KCNT2: variants seen among roughly 807,000 people sequenced by gnomAD.
KCNT2 encodes the protein potassium channel subfamily T member 2.
KCNT2 carries 67 observed loss-of-function variants against 153.8 expected under a neutral mutation model. The ratio of observed to expected loss-of-function variants is 0.44; its 90% CI spans 0.36 to 0.53. KCNT2 has a LOEUF of 0.53. Ranked by LOEUF, KCNT2 falls within the 20% of genes least tolerant of loss-of-function variation. The pLI, the probability that KCNT2 is intolerant of heterozygous loss-of-function variation, is 0.00. For synonymous variants in KCNT2, 500 were observed against 458.8 expected, an observed-to-expected ratio of 1.09 and a Z score of -1.15; for missense variants, 975 against 1,354.8, an observed-to-expected ratio of 0.72 and a Z score of 4.40.
intron 1 of KCNT2, among the ~76,000 whole-genome samples, chr1:196,602,556 GTTAAA>G (rs1488254891): frequency 6.6e-6 from 1 of 152,080 alleles, no homozygotes; most frequent in Non-Finnish European, 1.5e-5. Context: ...TATGATAGCT[GTTAAA>G]TTAAATCAAA....
intron 2 of KCNT2, 93 bp downstream of exon 2, chr1:196,492,169 C>T (rs1337459098): frequency 8.4e-7 from 1 of 1,197,012 alleles, no homozygotes; most frequent in African/African-American, 1.6e-5. Flanking sequence ...TTTTATTCCT[C>T]TATCTAAAAA....
At chr1:196,398,366 C>A (rs972283639) in intron 13 of KCNT2, among the ~76,000 whole-genome samples, 197 bp downstream of exon 13, 4 of 151,526 alleles carry the variant, frequency 2.6e-5, no homozygotes, top group African/African-American at 9.7e-5. Context: ...AAAATTAAGA[C>A]TCAAGCAAAA....
intron 13 of KCNT2, among the ~76,000 whole-genome samples, chr1:196,377,182 A>G (rs1190288391): frequency 6.6e-6 from 1 of 151,924 alleles, no homozygotes; most frequent in Non-Finnish European, 1.5e-5. Context: ...AAGAACACTG[A>G]AAGAATGGAA....
chr1:196,519,687 A>G (rs1653083667), intron 1 of KCNT2, among the ~76,000 whole-genome samples: 1 of 152,118 alleles, frequency 6.6e-6, no homozygotes, highest in Non-Finnish European at 1.5e-5. Flanking sequence ...AAACTAGAAA[A>G]CCTAGATGAG....
At chr1:196,261,216 G>T (rs1379118630) in intron 25 of KCNT2, among the ~76,000 whole-genome samples, 1 of 151,850 alleles carries the variant, frequency 6.6e-6, no homozygotes, top group African/African-American at 2.4e-5. Context: ...TGAACTCAGA[G>T]TCACAATGAT....
rs543395991 is a variant in KCNT2, at chr1:196,286,106, A to G, written c.2596-348T>C. ...CACACGATGTACCATAACACTGAACACTGTAAAGAAGACCTGCTTTTAAAT... is the reference window on the plus strand; with the variant it reads ...CACACGATGTACCATAACACTGAACGCTGTAAAGAAGACCTGCTTTTAAAT... On this transcript the variant is annotated intron_variant, in intron 22 of 27. Transcript: ENST00000294725. Among the ~76,000 whole-genome samples the G allele has an allele frequency of 3.3e-5, 5 of 152,254 alleles. 1 individual carries two copies. The South Asian group carries it at 8.3e-4, about 25-fold the overall frequency.
intron 1 of KCNT2, among the ~76,000 whole-genome samples, chr1:196,541,120 C>A (rs6678139): frequency 0.98 from 148,711 of 151,274 alleles, 73,140 homozygotes; most frequent in Middle Eastern, 1. Context: ...TATATTCGTT[C>A]AGTAGGTGAC....
chr1:196,305,154 CA>C, intron 22 of KCNT2, 79 bp downstream of exon 22: 2 of 823,452 alleles, frequency 2.4e-6, no homozygotes, highest in Non-Finnish European at 4.0e-6. Context: ...TATCTCATGG[CA>C]TTTTTTTTAT....
At chr1:196,457,885 C>T (rs1676816770) in intron 8 of KCNT2, among the ~76,000 whole-genome samples, 1 of 151,798 alleles carries the variant, frequency 6.6e-6, no homozygotes, top group Non-Finnish European at 1.5e-5. Context: ...CCTCAAAATG[C>T]ACCATTCACA....
At chr1:196,329,384 T>A (rs543062729) in intron 18 of KCNT2, among the ~76,000 whole-genome samples, 1 of 152,272 alleles carries the variant, frequency 6.6e-6, no homozygotes, top group South Asian at 2.1e-4. Context: ...AGACAGTTAA[T>A]AGTCCTTTGA....
rs146949783 is a variant in KCNT2 at position 196,597,690 on chromosome 1, G to A, written c.95+10525C>T. 2.0e-3 allele frequency among the ~76,000 whole-genome samples: 311 copies of A among 152,200 alleles called. 4 individuals carry two copies. Among genetic ancestry groups the A allele is most frequent in the African/African-American group, 7.0e-3 (290 of 41,512 alleles). On this transcript the variant is annotated intron_variant, in intron 1 of 27. Transcript: ENST00000294725. ...TGGCTAACCTCGCAACCCATCTCCA[G>A]TAAATACATACAAATTTGTGGAAGT...
intron 25 of KCNT2, among the ~76,000 whole-genome samples, chr1:196,260,172 A>C (rs967701701): frequency 6.6e-6 from 1 of 151,852 alleles, no homozygotes; most frequent in South Asian, 2.1e-4. Context: ...ATAAGTCCCT[A>C]TGAGTGATAG....
chr1:196,484,019 T>A (rs1679218794), intron 3 of KCNT2, among the ~76,000 whole-genome samples: 1 of 152,114 alleles, frequency 6.6e-6, no homozygotes, highest in South Asian at 2.1e-4. Flanking sequence ...ACAAGGTGTG[T>A]CAGAGTGAAG....
At chr1:196,437,241 T>A (rs1353949649) in intron 8 of KCNT2, among the ~76,000 whole-genome samples, 1 of 110,448 alleles carries the variant, frequency 9.1e-6, no homozygotes, top group African/African-American at 3.1e-5. Context: ...TATATATATA[T>A]ATATTTATAT....
At chr1:196,504,405 GA>G (rs1195414795) in intron 1 of KCNT2, among the ~76,000 whole-genome samples, 1 of 152,044 alleles carries the variant, frequency 6.6e-6, no homozygotes, top group Non-Finnish European at 1.5e-5. Flanking sequence ...CCCTACAAAG[GA>G]CATGAACTCT....
rs1673827274 is a variant in KCNT2, at chr1:196,428,286, A to G, written c.820-17T>C. On this transcript the variant is annotated splice_polypyrimidine_tract_variant and intron_variant, in intron 9 of 27. Transcript: ENST00000294725. ...CTGTTCAAACTGTAATATATTTTCC[A>G]CATGTGAATGAAAAACACAGTAAGG... 4 of 1,593,314 alleles carry G rather than the reference A, an allele frequency of 2.5e-6. No individual in the cohort carries two copies. Among genetic ancestry groups the G allele is most frequent in the Non-Finnish European group, 3.4e-6 (4 of 1,163,410 alleles).
Position 196,228,125 on chromosome 1 carries a change from G to A in KCNT2, c.*99C>T, listed in dbSNP as rs938030500. 1 of 662,984 alleles carries A rather than the reference G, an allele frequency of 1.5e-6. No individual in the cohort carries two copies. The highest frequency in any genetic ancestry group is 2.7e-5 in the East Asian group (1 of 36,746). 41.1% of individuals were successfully genotyped at this position (662,984 alleles called of 1,614,324 possible). A position where few individuals can be genotyped will look rare whatever the true frequency, so the allele number is the denominator to read the frequency against. On this transcript the variant is annotated 3_prime_UTR_variant, in exon 28 of 28. Coordinates refer to ENST00000294725, the MANE Select transcript of KCNT2 (RefSeq NM_198503.5). ...AGAGATTACGTTTTTAAATATGAGA[G>A]AATTACATATATTTCCATCTAGTTT...
In KCNT2 at chr1:196,376,950, G is replaced by A. The variant is rs965414568; in HGVS notation, c.1295-3702C>T. Among the ~76,000 whole-genome samples, 3 of 152,048 alleles carry A rather than the reference G, an allele frequency of 2.0e-5. No individual in the cohort carries two copies. The East Asian group carries it at 5.8e-4, about 30-fold the overall frequency. On this transcript the variant is annotated intron_variant, in intron 13 of 27. Coordinates refer to ENST00000294725, the MANE Select transcript of KCNT2 (RefSeq NM_198503.5). ...AGAAGGGAAGACAAGACCTATGGGT[G>A]TAAATGGCAGTGAAGATTTGGTAGG...
intron 3 of KCNT2, among the ~76,000 whole-genome samples, chr1:196,483,185 C>A (rs558257308): frequency 2.6e-4 from 39 of 152,250 alleles, no homozygotes; most frequent in African/African-American, 9.4e-4. Flanking sequence ...TTTTATTTGG[C>A]TACTCAAAAC....
Sources: allele counts gnomAD v4.1 joint callset (sites outside exome capture counted in the v4.1 genomes callset), GRCh38; gene constraint gnomAD v4.1.1; transcripts MANE v1.5; gene names NCBI Gene and HGNC (gene_info 2026-07-23, HGNC 2026-07-21).